The following SHROOM2 variants were observed in gnomAD, a reference collection of about 807,000 sequenced individuals.
The protein encoded by SHROOM2 is protein Shroom2.
A neutral mutation model predicts 75.9 loss-of-function variants in SHROOM2; 33 were observed. The ratio of observed to expected loss-of-function variants is 0.43; its 90% CI spans 0.33 to 0.58. SHROOM2 has a LOEUF of 0.58. SHROOM2 is among the 20% of genes least tolerant of loss of function. The pLI, the probability that SHROOM2 is intolerant of heterozygous loss-of-function variation, is 0.04. For synonymous variants in SHROOM2, 655 were observed against 663.6 expected (o/e 0.99, Z 0.20); for missense variants, 1,434 against 1,461.2 (o/e 0.98, Z 0.30).
intron 1 of SHROOM2, among the ~76,000 whole-genome samples, chrX:9,872,695 T>C (rs964671054): frequency 8.9e-6 from 1 of 112,076 alleles, no homozygotes; most frequent in Non-Finnish European, 1.9e-5. Context: ...CACGGCATGG[T>C]ATAATAATCG....
chrX:9,849,586 C>G lies in SHROOM2; in HGVS notation c.166-24066C>G, dbSNP rs192838610. Among the ~76,000 whole-genome samples, 169 of 111,437 alleles carry G rather than the reference C, an allele frequency of 1.5e-3. 1 individual carries two copies. Among genetic ancestry groups the G allele is most frequent in the African/African-American group, 5.4e-3 (165 of 30,608 alleles). ...TGGGGTGATGGCAGGCAGCTTTACA[C>G]GTCGCCTTAGAGCATGTCTTTATTT... On this transcript the variant is annotated intron_variant, in intron 1 of 9. Transcript: ENST00000380913.
At chrX:9,848,971 C>G (rs1375462539) in intron 1 of SHROOM2, among the ~76,000 whole-genome samples, 1 of 111,676 alleles carries the variant, frequency 9.0e-6, no homozygotes, top group Non-Finnish European at 1.9e-5. Flanking sequence ...GGTAAACATT[C>G]CCACCCCAGA....
In SHROOM2 at chrX:9,932,869, A is replaced by G. The variant is rs140571503; in HGVS notation, c.3586A>G (p.Arg1196Gly). 172 of 1,180,276 alleles carry G rather than the reference A, an allele frequency of 1.5e-4. No individual in the cohort carries two copies. In the African/African-American group the frequency reaches 2.7e-3, roughly 19 times the overall value. The change falls in exon 6 of 10, where the codon AGA becomes GGA. Residue 1196 changes from arginine to glycine, a missense_variant and splice_region_variant. By Grantham distance (125) the Arg-to-Gly change is moderately radical. Coordinates refer to ENST00000380913, the MANE Select transcript of SHROOM2 (RefSeq NM_001649.4). Reference protein sequence around the residue: ...PLLIQDEDSTRIERVMDNNTT... With the variant: ...PLLIQDEDSTGIERVMDNNTT... ...GCTCATCCAGGATGAGGATTCAACCAGGTACTGTCCTGCGACGGTGTTCCC... is the reference window on the plus strand; with the variant it reads ...GCTCATCCAGGATGAGGATTCAACCGGGTACTGTCCTGCGACGGTGTTCCC...
At position 9,932,524 on chromosome X, in the gene SHROOM2, G is replaced by A. The variant is rs747806625; in HGVS notation, c.3241G>A (p.Ala1081Thr). The change falls in exon 6 of 10, where the codon GCA becomes ACA. Residue 1081 changes from alanine (A) to threonine (T), a missense_variant. This residue lies in a region of SHROOM2 where 1,340 missense variants were observed against 1,338.3 expected (regional missense o/e 1.00). Coordinates refer to ENST00000380913, the MANE Select transcript of SHROOM2 (RefSeq NM_001649.4). Reference protein sequence around the residue: ...EPRRYRATDGAPADAPVGVLG... With the variant: ...EPRRYRATDGTPADAPVGVLG... ...CAGGAGATACAGGGCCACAGACGGC[G>A]CACCTGCTGACGCCCCCGTGGGCGT... 15 of 1,209,197 alleles carry A rather than the reference G, an allele frequency of 1.2e-5. No homozygotes were observed. Among genetic ancestry groups the A allele is most frequent in the South Asian group, 1.1e-4 (6 of 56,720 alleles).
At chrX:9,938,140 C>T (rs951785776) in intron 7 of SHROOM2, among the ~76,000 whole-genome samples, 1 of 111,404 alleles carries the variant, frequency 9.0e-6, no homozygotes, top group Non-Finnish European at 1.9e-5. Context: ...ATCCAGCCCC[C>T]ACGTGTCCCT....
intron 1 of SHROOM2, among the ~76,000 whole-genome samples, chrX:9,800,516 T>G (rs1447385118): frequency 1.8e-5 from 2 of 108,635 alleles, no homozygotes; most frequent in African/African-American, 6.7e-5. Flanking sequence ...AATTTTTGTA[T>G]TTTTAGTAGA....
At chrX:9,818,701 G>A in intron 1 of SHROOM2, 2 of 430,045 alleles carry the variant, frequency 4.7e-6, no homozygotes, top group Admixed American at 6.5e-5. Context: ...AGGGCCCATG[G>A]CTTTAACATC....
At chrX:9,808,840 G>T (rs1031540270) in intron 1 of SHROOM2, among the ~76,000 whole-genome samples, 3 of 110,143 alleles carry the variant, frequency 2.7e-5, no homozygotes, top group African/African-American at 6.6e-5. Context: ...CCAGCCTGGG[G>T]GACAAGAGTG....
At chrX:9,849,379 C>T (rs1249245095) in intron 1 of SHROOM2, among the ~76,000 whole-genome samples, 2 of 112,140 alleles carry the variant, frequency 1.8e-5, no homozygotes, top group Non-Finnish European at 3.8e-5. Context: ...CCACAGTTCG[C>T]CCTGAAACAA....
At chrX:9,838,147 G>C (rs187174221) in intron 1 of SHROOM2, among the ~76,000 whole-genome samples, 6 of 98,622 alleles carry the variant, frequency 6.1e-5, no homozygotes, top group African/African-American at 2.3e-4. Context: ...TGCAAGCTCC[G>C]TCTCCCGGGT....
At chrX:9,916,316 T>C (rs950428226) in intron 5 of SHROOM2, among the ~76,000 whole-genome samples, 2 of 112,424 alleles carry the variant, frequency 1.8e-5, no homozygotes, top group Non-Finnish European at 3.7e-5. Context: ...TTCTGTAACT[T>C]GTATGTGTAT....
chrX:9,869,895 C>T (rs182644444), intron 1 of SHROOM2, among the ~76,000 whole-genome samples: 16 of 111,240 alleles, frequency 1.4e-4, no homozygotes, highest in Non-Finnish European at 2.3e-4. Flanking sequence ...GTAGGTGTAT[C>T]GATGTCCTTA....
chrX:9,819,357 A>G (rs2083839927), intron 1 of SHROOM2: 4 of 483,250 alleles, frequency 8.3e-6, no homozygotes, highest in Admixed American at 3.2e-5. Flanking sequence ...AGTGTCAGTC[A>G]TGTTGACTAT....
intron 1 of SHROOM2, among the ~76,000 whole-genome samples, chrX:9,827,609 A>C (rs1201956823): frequency 9.2e-6 from 1 of 109,071 alleles, no homozygotes; most frequent in Admixed American, 9.9e-5. Context: ...GGAAGGGAAA[A>C]GGTGTAGTCT....
intron 5 of SHROOM2, among the ~76,000 whole-genome samples, chrX:9,919,820 A>G (rs757960506): frequency 3.0e-4 from 34 of 111,586 alleles, no homozygotes; most frequent in African/African-American, 1.1e-3. Context: ...TTAACTCACT[A>G]CAACTCATCA....
intron 2 of SHROOM2, among the ~76,000 whole-genome samples, chrX:9,885,053 T>A (rs1450103072): frequency 2.7e-5 from 3 of 111,107 alleles, no homozygotes; most frequent in African/African-American, 9.8e-5. Flanking sequence ...CTTTAAAAAA[T>A]TTTTGAATTA....
rs1160021125 is a variant in SHROOM2 at position 9,894,614 on chromosome X, C to G, written c.706C>G (p.Leu236Val). 5 of 1,212,288 alleles carry G rather than the reference C, an allele frequency of 4.1e-6. No homozygotes were observed. Among genetic ancestry groups the G allele is most frequent in the Non-Finnish European group, 5.6e-6 (5 of 895,591 alleles). ...CGACACGTCCTCCGCAGAGAACATC[C>G]TCTACACTGTGGGCCTCTGGGAGGC... ...KADTSSAENI[L>V]YTVGLWEAPR... Residue 236 changes from leucine (L) to valine (V), a missense_variant, in exon 4 of 10, where the codon CTC (leucine) becomes GTC (valine). Around this residue, in one of 3 missense-constraint regions of SHROOM2, gnomAD observed 1,340 missense variants for 1,338.3 expected, o/e 1.00. Transcript: ENST00000380913.
In SHROOM2 at chrX:9,932,530, G is replaced by A. The variant is rs1282796376; in HGVS notation, c.3247G>A (p.Ala1083Thr). Residue 1083 changes from alanine to threonine, a missense_variant, in exon 6 of 10, where the codon GCT (alanine) becomes ACT (threonine). Transcript: ENST00000380913. ...RRYRATDGAP[A>T]DAPVGVLGRP... is the part of the protein sequence containing the mutation. Reference sequence around the variant, plus strand: ...ATACAGGGCCACAGACGGCGCACCTGCTGACGCCCCCGTGGGCGTCCTCGG... The same window carrying A: ...ATACAGGGCCACAGACGGCGCACCTACTGACGCCCCCGTGGGCGTCCTCGG... 15 of 1,209,610 alleles carry A rather than the reference G, an allele frequency of 1.2e-5. No homozygotes were observed. The highest frequency in any genetic ancestry group is 1.7e-5 in the African/African-American group (1 of 57,318).
At chrX:9,941,971 CAAAAAAAAAA>C (rs56088322) in intron 8 of SHROOM2, among the ~76,000 whole-genome samples, 3 of 54,463 alleles carry the variant, frequency 5.5e-5, no homozygotes, top group Non-Finnish European at 1.2e-4. Flanking sequence ...GACTCCGTCT[CAAAAAAAAAA>C]AAAAAAAAAA....
Sources: gnomAD v4.1 joint callset for allele counts (sites outside exome capture counted in the v4.1 genomes callset) on GRCh38, gnomAD v4.1.1 for gene constraint, gnomAD v4.1.1 regional missense constraint, MANE v1.5 for transcripts, NCBI Gene and HGNC (gene_info 2026-07-23, HGNC 2026-07-21) for gene names.